Variants in KIAA1671 observed in about 807,000 individuals in gnomAD.
The protein encoded by KIAA1671 is KIAA1671, also known as uncharacterized protein KIAA1671.
A neutral mutation model predicts 131.2 loss-of-function variants in KIAA1671; 52 were observed. The observed-to-expected ratio is 0.40, with a 90% CI of 0.32 to 0.50. The LOEUF (loss-of-function observed/expected upper bound fraction) is 0.50. KIAA1671 is among the 20% of genes least tolerant of loss of function. KIAA1671 has a pLI of 0.73. For synonymous variants in KIAA1671, 1,003 were observed against 961.6 expected, an observed-to-expected ratio of 1.04 and a Z score of -0.80; for missense variants, 2,360 against 2,364.2, an observed-to-expected ratio of 1.00 and a Z score of 0.04.
At chr22:24,980,900 T>C (rs939570670) in intron 1 of KIAA1671, among the ~76,000 whole-genome samples, 1 of 151,876 alleles carries the variant, frequency 6.6e-6, no homozygotes, top group African/African-American at 2.4e-5. Flanking sequence ...GCATGCGCCA[T>C]CATGCCTGGA....
chr22:25,070,235 T>C (rs973759115), intron 6 of KIAA1671: 4 of 400,822 alleles, frequency 1.0e-5, no homozygotes, highest in Admixed American at 4.4e-5. Flanking sequence ...CCCCTGGCCG[T>C]GAGCCGGCTT....
At chr22:24,989,955 T>C (rs1189742947) in intron 1 of KIAA1671, among the ~76,000 whole-genome samples, 1 of 152,200 alleles carries the variant, frequency 6.6e-6, no homozygotes, top group East Asian at 1.9e-4. Flanking sequence ...GAGAGCTTTT[T>C]CTAGCTCTTT....
chr22:25,076,055 C>A (rs1469908403), intron 6 of KIAA1671, among the ~76,000 whole-genome samples: 1 of 89,284 alleles, frequency 1.1e-5, no homozygotes, highest in South Asian at 2.9e-4. Flanking sequence ...GGATTACAGG[C>A]GTGAGCCACT....
chr22:25,038,670 C>T (rs1314916159), intron 4 of KIAA1671, 90 bp from the exon 5 acceptor site: 2 of 1,279,078 alleles, frequency 1.6e-6, no homozygotes, highest in Middle Eastern at 2.8e-4. Context: ...TTTAATTATA[C>T]AAGCAGCCCT....
Position 25,001,444 on chromosome 22 carries a change from G to A in KIAA1671, c.-207-24189G>A, listed in dbSNP as rs116979789. Reference sequence around the variant, plus strand: ...ATTTTCACTGAAAGCTTTTTATGTAGGGGATGAAATGTTTACAGTGGCATT... The same window carrying A: ...ATTTTCACTGAAAGCTTTTTATGTAAGGGATGAAATGTTTACAGTGGCATT... On this transcript the variant is annotated intron_variant, in intron 1 of 12. Transcript: ENST00000358431. Among the ~76,000 whole-genome samples the A allele has an allele frequency of 1.6e-3, 243 of 152,226 alleles. 4 individuals are homozygous for A. The South Asian group carries it at 0.019, about 12-fold the overall frequency.
chr22:25,000,134 C>T (rs1180667231), intron 1 of KIAA1671, among the ~76,000 whole-genome samples: 2 of 150,086 alleles, frequency 1.3e-5, no homozygotes, highest in African/African-American at 2.5e-5. Context: ...CCACCTGCCT[C>T]GGCCTCCCAA....
In KIAA1671 at chr22:25,195,418, G is replaced by A. The variant is rs1047372024; in HGVS notation, c.*3017G>A. On this transcript the variant is annotated 3_prime_UTR_variant, in exon 13 of 13. Transcript: ENST00000358431. ...GAAAGAGAAACCTCGTGGTCTTTAGGATGTTGGGATTTTGAGTGAACCTGA... is the reference window on the plus strand; with the variant it reads ...GAAAGAGAAACCTCGTGGTCTTTAGAATGTTGGGATTTTGAGTGAACCTGA... 5.9e-5 allele frequency: 9 copies of A among 152,148 alleles called. No homozygotes were observed. The highest frequency in any genetic ancestry group is 1.3e-4 in the Non-Finnish European group (9 of 68,026). 9.4% of individuals were successfully genotyped at this position (152,148 alleles called of 1,614,324 possible).
At chr22:25,048,518 G>A (rs1198071657) in intron 5 of KIAA1671, among the ~76,000 whole-genome samples, 2 of 152,186 alleles carry the variant, frequency 1.3e-5, no homozygotes, top group Admixed American at 6.5e-5. Flanking sequence ...TCCTGGTGCT[G>A]TGTGTTCTTA....
intron 6 of KIAA1671, among the ~76,000 whole-genome samples, chr22:25,098,035 C>G (rs9612861): frequency 6.6e-6 from 1 of 152,146 alleles, no homozygotes; most frequent in African/African-American, 2.4e-5. Flanking sequence ...CCCTGTAGTC[C>G]ACCCAGCAGA....
At chr22:25,172,220 C>T (rs189950591) in intron 7 of KIAA1671, among the ~76,000 whole-genome samples, 82 of 152,260 alleles carry the variant, frequency 5.4e-4, no homozygotes, top group African/African-American at 1.9e-3. Context: ...GTTCCTCTCT[C>T]GGGGTCTCCA....
intron 6 of KIAA1671, among the ~76,000 whole-genome samples, chr22:25,119,683 GA>G: frequency 6.6e-6 from 1 of 152,360 alleles, no homozygotes; most frequent in African/African-American, 2.4e-5. Flanking sequence ...CAGTGGTCAG[GA>G]AAGTCTTCTC....
intron 6 of KIAA1671, chr22:25,052,714 C>CTAA (rs1555959543): frequency 1.3e-5 from 2 of 151,566 alleles, no homozygotes; most frequent in East Asian, 3.9e-4. Flanking sequence ...ATCATAGCAG[C>CTAA]TATTATTATT....
intron 6 of KIAA1671, among the ~76,000 whole-genome samples, chr22:25,170,422 AGC>A (rs949912474): frequency 1.3e-5 from 2 of 152,176 alleles, no homozygotes; most frequent in African/African-American, 4.8e-5. Context: ...AACCTGGGCA[AGC>A]GGGTGCATGG....
At chr22:25,108,573 C>T (rs1357463168) in intron 6 of KIAA1671, among the ~76,000 whole-genome samples, 1 of 152,190 alleles carries the variant, frequency 6.6e-6, no homozygotes, top group Non-Finnish European at 1.5e-5. Context: ...AGGGTGGAGC[C>T]AGGCACTCAT....
At chr22:25,159,523 A>G (rs896014115) in intron 6 of KIAA1671, among the ~76,000 whole-genome samples, 1 of 152,150 alleles carries the variant, frequency 6.6e-6, no homozygotes, top group African/African-American at 2.4e-5. Flanking sequence ...GCACCTTGTC[A>G]TGATGTTTGT....
chr22:25,116,111 C>T (rs1336023529), intron 6 of KIAA1671, among the ~76,000 whole-genome samples: 1 of 152,044 alleles, frequency 6.6e-6, no homozygotes, highest in Non-Finnish European at 1.5e-5. Context: ...CAAGGTCTTG[C>T]CCTGTCACTG....
chr22:25,112,598 C>T, intron 6 of KIAA1671: 1 of 392,416 alleles, frequency 2.5e-6, no homozygotes, highest in Non-Finnish European at 4.5e-6. Context: ...AAAGCCCAGG[C>T]ACTTCCTGTC....
At chr22:25,101,119 C>T (rs145770055) in intron 6 of KIAA1671, among the ~76,000 whole-genome samples, 33 of 152,280 alleles carry the variant, frequency 2.2e-4, no homozygotes, top group African/African-American at 6.0e-4. Flanking sequence ...TGGAAAGAAA[C>T]GTGTTGTCCA....
chr22:25,077,424 T>TGATA (rs955291676), intron 6 of KIAA1671, among the ~76,000 whole-genome samples: 1 of 152,184 alleles, frequency 6.6e-6, no homozygotes, highest in African/African-American at 2.4e-5. Flanking sequence ...GGGAGGGCTC[T>TGATA]GATATAATGG....
Sources: allele counts gnomAD v4.1 joint callset (sites outside exome capture counted in the v4.1 genomes callset), GRCh38; gene constraint gnomAD v4.1.1; transcripts MANE v1.5; gene names NCBI Gene and HGNC (gene_info 2026-07-23, HGNC 2026-07-21).